Variants in COL11A1 observed in about 807,000 individuals in gnomAD.
COL11A1 encodes collagen alpha-1(XI) chain.
In COL11A1, 74 loss-of-function variants were observed where a neutral mutation model predicts 265.2. The ratio of observed to expected loss-of-function variants is 0.28; its 90% CI spans 0.23 to 0.34. The LOEUF (loss-of-function observed/expected upper bound fraction) is 0.34, where lower values mean the gene tolerates loss of function less well. Ranked by LOEUF, COL11A1 falls within the 10% of genes least tolerant of loss-of-function variation. The pLI is 1.00. For synonymous variants in COL11A1, 816 were observed against 727.6 expected, an observed-to-expected ratio of 1.12 and a Z score of -1.96; for missense variants, 2,165 against 2,263.6, an observed-to-expected ratio of 0.96 and a Z score of 0.88.
At chr1:102,984,400 C>T (rs1261442488) in intron 30 of COL11A1, among the ~76,000 whole-genome samples, 1 of 151,856 alleles carries the variant, frequency 6.6e-6, no homozygotes, top group Non-Finnish European at 1.5e-5. Context: ...TATAATGTTG[C>T]CTAACTTAAC....
chr1:103,072,385 G>A (rs1449165080), intron 4 of COL11A1, among the ~76,000 whole-genome samples: 1 of 151,790 alleles, frequency 6.6e-6, no homozygotes, highest in Non-Finnish European at 1.5e-5. Flanking sequence ...CTGAAAAAGT[G>A]ACATTTCTAG....
intron 57 of COL11A1, among the ~76,000 whole-genome samples, chr1:102,892,288 C>T (rs1028998031): frequency 1.3e-4 from 20 of 152,096 alleles, no homozygotes; most frequent in African/African-American, 4.6e-4. Flanking sequence ...CATCATGAGT[C>T]ACCACTATTG....
chr1:103,001,778 A>C, intron 24 of COL11A1, 147 bp downstream of exon 24: 1 of 718,942 alleles, frequency 1.4e-6, no homozygotes, highest in South Asian at 1.6e-5. Flanking sequence ...TCCCCACACT[A>C]TATTTCCATG....
intron 4 of COL11A1, among the ~76,000 whole-genome samples, chr1:103,058,916 G>A (rs1670441865): frequency 6.6e-6 from 1 of 151,912 alleles, no homozygotes; most frequent in Non-Finnish European, 1.5e-5. Context: ...GATCTTTAAT[G>A]TTACAGTTGT....
rs1305288192 is a variant in COL11A1 at position 102,978,799 on chromosome 1, T to C, written c.2710-47A>G. On this transcript the variant is annotated intron_variant, in intron 34 of 66. Coordinates refer to ENST00000370096, the MANE Select transcript of COL11A1 (RefSeq NM_001854.4). The stretch of plus-strand genomic sequence containing the variant: ...AAAAATCAGTTTGAATTCTTTCTCA[T>C]AGCATCTGCCTGGAAAAAAAATCTA... 5.0e-6 allele frequency: 8 copies of C among 1,613,812 alleles called. No individual in the cohort carries two copies. The Admixed American group carries it at 1.3e-4, about 27-fold the overall frequency.
chr1:102,893,687 A>C (rs188024562), intron 57 of COL11A1, among the ~76,000 whole-genome samples: 5 of 152,268 alleles, frequency 3.3e-5, no homozygotes, highest in African/African-American at 1.2e-4. Context: ...TACTTTCTGG[A>C]ATATTTGCTT....
At chr1:103,034,259 T>C (rs968223781) in intron 4 of COL11A1, among the ~76,000 whole-genome samples, 1 of 151,600 alleles carries the variant, frequency 6.6e-6, no homozygotes, top group African/African-American at 2.4e-5. Flanking sequence ...CTTTGAGAAG[T>C]GTTCAGTCAT....
chr1:102,961,947 A>G, intron 40 of COL11A1, 28 bp from the exon 41 acceptor site: 1 of 1,589,066 alleles, frequency 6.3e-7, no homozygotes. Context: ...AATAAAGAAA[A>G]TGAATCCATA....
intron 1 of COL11A1, among the ~76,000 whole-genome samples, chr1:103,101,504 C>G (rs917681709): frequency 6.6e-6 from 1 of 151,900 alleles, no homozygotes; most frequent in African/African-American, 2.4e-5. Flanking sequence ...GGCAGTCATC[C>G]TTTCAGGGAG....
At chr1:103,027,688 G>T (rs1667655166) in intron 5 of COL11A1, among the ~76,000 whole-genome samples, 1 of 151,748 alleles carries the variant, frequency 6.6e-6, no homozygotes, top group Non-Finnish European at 1.5e-5. Flanking sequence ...TGATCACAGT[G>T]CCTTCTAATA....
chr1:102,979,335 C>A (rs774515138), intron 32 of COL11A1, 47 bp downstream of exon 32: 2 of 1,438,726 alleles, frequency 1.4e-6, no homozygotes, highest in Non-Finnish European at 2.0e-6. Flanking sequence ...CTATGTCCAG[C>A]TAAGAACACT....
intron 4 of COL11A1, among the ~76,000 whole-genome samples, chr1:103,073,584 G>A (rs1474641856): frequency 6.6e-6 from 1 of 151,604 alleles, no homozygotes; most frequent in Non-Finnish European, 1.5e-5. Flanking sequence ...AGAATTAAAG[G>A]CTTTGGTACA....
chr1:102,894,524 ACT>A (rs911305122), intron 57 of COL11A1, among the ~76,000 whole-genome samples: 1 of 49,376 alleles, frequency 2.0e-5, no homozygotes, highest in Non-Finnish European at 3.7e-5. Context: ...ATAGAGTGAG[ACT>A]CTGTCTCAAT....
At chr1:103,086,114 G>A (rs1032168851) in intron 1 of COL11A1, among the ~76,000 whole-genome samples, 4 of 152,114 alleles carry the variant, frequency 2.6e-5, no homozygotes, top group Non-Finnish European at 5.9e-5. Flanking sequence ...ATTGATTCCT[G>A]ATGTTCATAT....
At chr1:102,945,250 CT>C (rs1280039374) in intron 42 of COL11A1, among the ~76,000 whole-genome samples, 36 of 59,368 alleles carry the variant, frequency 6.1e-4, no homozygotes, top group Admixed American at 9.4e-4. Context: ...TCTTTTTACT[CT>C]CTCTCTCTCT....
chr1:102,962,297 A>G, intron 39 of COL11A1, 32 bp from the exon 40 acceptor site: 1 of 1,509,874 alleles, frequency 6.6e-7, no homozygotes, highest in Non-Finnish European at 9.2e-7. Context: ...GTCAAGACAG[A>G]TTAATTTCTA....
At chr1:103,080,174 G>GA (rs1049728218) in intron 2 of COL11A1, among the ~76,000 whole-genome samples, 2 of 151,694 alleles carry the variant, frequency 1.3e-5, no homozygotes, top group East Asian at 3.9e-4. Context: ...TATTACAAAA[G>GA]AAAAAACAGC....
chr1:102,963,423 C>T (rs533822931), intron 38 of COL11A1, among the ~76,000 whole-genome samples: 3 of 152,118 alleles, frequency 2.0e-5, no homozygotes, highest in Admixed American at 6.6e-5. Flanking sequence ...AGGTCATTTA[C>T]GTGTCCCCTG....
At chr1:103,057,074 T>G (rs1333870066) in intron 4 of COL11A1, among the ~76,000 whole-genome samples, 1 of 152,148 alleles carries the variant, frequency 6.6e-6, no homozygotes, top group Non-Finnish European at 1.5e-5. Flanking sequence ...TCATAAAAGA[T>G]TTCTCTGTAG....
Sources: allele counts gnomAD v4.1 joint callset (sites outside exome capture counted in the v4.1 genomes callset), GRCh38; gene constraint gnomAD v4.1.1; transcripts MANE v1.5; gene names NCBI Gene and HGNC (gene_info 2026-07-23, HGNC 2026-07-21).